Variants in DHX36 observed in about 807,000 individuals in gnomAD.
DHX36 encodes the protein ATP-dependent DNA/RNA helicase DHX36.
DHX36 carries 50 observed loss-of-function variants against 139.0 expected under a neutral mutation model. That is an observed-to-expected ratio of 0.36 (90% CI 0.29 to 0.46). The LOEUF is 0.46. Ranked by LOEUF, DHX36 falls within the 20% of genes least tolerant of loss-of-function variation. The probability of loss-of-function intolerance (pLI) is 1.00; values close to 1 mark genes in which losing one functional copy is unlikely to be tolerated. For missense variants in DHX36, 1,024 were observed against 1,211.3 expected (o/e 0.85, Z 2.29); for synonymous variants, 425 against 401.9 (o/e 1.06, Z -0.69).
At chr3:154,292,742 C>T (rs1003549621) in intron 14 of DHX36, 48 bp from the exon 15 acceptor site, 1 of 1,588,176 alleles carries the variant, frequency 6.3e-7, no homozygotes, top group Non-Finnish European at 8.6e-7. Flanking sequence ...CACACACACA[C>T]ACACACACAC....
chr3:154,306,801 C>T (rs1712516818), intron 5 of DHX36, among the ~76,000 whole-genome samples: 1 of 151,980 alleles, frequency 6.6e-6, no homozygotes, highest in Admixed American at 6.6e-5. Flanking sequence ...AAGTAACCAA[C>T]AGTTATTCTG....
At position 154,283,138 on chromosome 3, in the gene DHX36, A is replaced by G. The variant is rs745435989; in HGVS notation, c.2376+50T>C. ...CTAATTGTACAAAATGGATGTATAT[A>G]TTCTCTAATCTAGCATATATGATAA... is the stretch of plus-strand genomic sequence containing the variant. On this transcript the variant is annotated intron_variant, in intron 20 of 24. Coordinates refer to ENST00000496811, the MANE Select transcript of DHX36 (RefSeq NM_020865.3). 1.6e-5 allele frequency: 22 copies of G among 1,383,342 alleles called. No individual in the cohort carries two copies. In the South Asian group the frequency reaches 1.8e-4, roughly 11 times the overall value. The allele number at this position is 1,383,342 out of a possible 1,614,324, so 85.7% of individuals were successfully genotyped here.
In DHX36 at chr3:154,273,217, T is replaced by A. The variant is rs1166420055; in HGVS notation, c.*2954A>T. On this transcript the variant is annotated 3_prime_UTR_variant, in exon 25 of 25. Coordinates refer to ENST00000496811, the MANE Select transcript of DHX36 (RefSeq NM_020865.3). ...CTGGAATGTATTTTCTACTCAGTAA[T>A]GCCCTATTTTGTAAACAAAAGAAAC... 6.6e-6 allele frequency: 1 copy of A among 152,184 alleles called. No homozygotes were observed. Among genetic ancestry groups the A allele is most frequent in the Non-Finnish European group, 1.5e-5 (1 of 68,022 alleles). 9.4% of individuals were successfully genotyped at this position (152,184 alleles called of 1,614,324 possible).
chr3:154,293,499 T>C lies in DHX36; in HGVS notation c.1670+249A>G, dbSNP rs558000338. On this transcript the variant is annotated intron_variant, in intron 14 of 24. Coordinates refer to ENST00000496811, the MANE Select transcript of DHX36 (RefSeq NM_020865.3). ...TGGGAGGCTGAGGTGGAAGGCTCAC[T>C]TGAGCTGAGGAGATCAAGGCTGCAG... 1.8e-4 allele frequency among the ~76,000 whole-genome samples: 28 copies of C among 152,104 alleles called. No homozygotes were observed. The highest frequency in any genetic ancestry group is 3.8e-4 in the Non-Finnish European group (26 of 67,986).
intron 1 of DHX36, among the ~76,000 whole-genome samples, chr3:154,317,060 G>A (rs1378526625): frequency 6.6e-6 from 1 of 151,984 alleles, no homozygotes; most frequent in Non-Finnish European, 1.5e-5. Context: ...AAAATCGAAA[G>A]AAAGAAACCA....
intron 1 of DHX36, among the ~76,000 whole-genome samples, chr3:154,317,805 G>T (rs1046886538): frequency 9.3e-5 from 14 of 151,248 alleles, no homozygotes; most frequent in African/African-American, 3.4e-4. Flanking sequence ...GTAAAATACT[G>T]TAAAATCTAG....
intron 14 of DHX36, 129 bp from the exon 15 acceptor site, chr3:154,292,823 A>G: frequency 4.5e-6 from 6 of 1,345,162 alleles, no homozygotes; most frequent in Non-Finnish European, 5.9e-6. Flanking sequence ...TTTTTTTTTT[A>G]TTACATCAAA....
At position 154,280,627 on chromosome 3, in the gene DHX36, T is replaced by A. The variant is rs1719305077; in HGVS notation, c.2519A>T (p.Tyr840Phe). The A allele has an allele frequency of 6.2e-7, 1 of 1,613,228 alleles. No homozygotes were observed. Residue 840 changes from tyrosine (Y) to phenylalanine (F), a missense_variant, in exon 22 of 25, where the codon TAT (tyrosine) becomes TTT (phenylalanine). Coordinates refer to ENST00000496811, the MANE Select transcript of DHX36 (RefSeq NM_020865.3). ...IIKAVICAGLYPKVAKIRLNL... is the reference protein window; with the variant it reads ...IIKAVICAGLFPKVAKIRLNL... Reference sequence around the variant, plus strand: ...TAGTCGAATTTTAGCAACTTTGGGATATAAACCAGCACAGATGACAGCTTT... The same window carrying A: ...TAGTCGAATTTTAGCAACTTTGGGAAATAAACCAGCACAGATGACAGCTTT...
At chr3:154,320,828 G>A (rs1200415781) in intron 1 of DHX36, among the ~76,000 whole-genome samples, 2 of 152,154 alleles carry the variant, frequency 1.3e-5, no homozygotes, top group Admixed American at 1.3e-4. Context: ...GTTACTGCAA[G>A]GGCTACTTCA....
rs1719094113 is a variant in DHX36 at position 154,274,583 on chromosome 3, C to CAATG, written c.*1584_*1587dup. ...TTCCAACTATCAGAGTCAGAAAAGA[C>CAATG]AATGTCCAGAGAGAGCAGGATTTCC... On this transcript the variant is annotated 3_prime_UTR_variant, in exon 25 of 25. Coordinates refer to ENST00000496811, the MANE Select transcript of DHX36 (RefSeq NM_020865.3). 6.6e-6 allele frequency: 1 copy of CAATG among 152,248 alleles called. No individual in the cohort carries two copies. The highest frequency in any genetic ancestry group is 1.5e-5 in the Non-Finnish European group (1 of 68,110). 9.4% of individuals were successfully genotyped at this position (152,248 alleles called of 1,614,324 possible). A position where few individuals can be genotyped will look rare whatever the true frequency, so the allele number is the denominator to read the frequency against.
intron 19 of DHX36, 114 bp downstream of exon 19, chr3:154,284,469 C>T (rs1016303250): frequency 5.8e-5 from 52 of 903,952 alleles, no homozygotes; most frequent in Middle Eastern, 6.9e-4. Flanking sequence ...GCATGAGCCA[C>T]CGCGCCCGGC....
Position 154,290,998 on chromosome 3 carries a change from A to G in DHX36, c.1815-1172T>C, listed in dbSNP as rs1487340211. On this transcript the variant is annotated intron_variant, in intron 15 of 24. Coordinates refer to ENST00000496811, the MANE Select transcript of DHX36 (RefSeq NM_020865.3). ...AAATACAAAAAAATTAGCCGGGCGTAGTGGCGGGCGCCTGTAGTCCCAGCT... is the reference window on the plus strand; with the variant it reads ...AAATACAAAAAAATTAGCCGGGCGTGGTGGCGGGCGCCTGTAGTCCCAGCT... 1.2e-3 allele frequency among the ~76,000 whole-genome samples: 185 copies of G among 149,654 alleles called. 1 individual carries two copies. The highest frequency in any genetic ancestry group is 4.4e-3 in the African/African-American group (179 of 41,000).
chr3:154,300,998 T>C lies in DHX36; in HGVS notation c.1347A>G (p.Glu449=). ...YKERWPDYVR[E]LRRRYSASTV... ...CAAAATAAACTTACCTTCTTCGCAG[T>C]TCCCTTACATAATCTGGCCAACGTT... The change falls in exon 10 of 25, where the codon GAA becomes GAG. Residue 449 remains glutamate, a synonymous_variant. Transcript: ENST00000496811. The C allele has an allele frequency of 6.2e-7, 1 of 1,610,626 alleles. No homozygotes were observed. The highest frequency in any genetic ancestry group is 8.5e-7 in the Non-Finnish European group (1 of 1,179,352).
chr3:154,305,650 C>T (rs1712469218), intron 6 of DHX36, among the ~76,000 whole-genome samples: 1 of 152,062 alleles, frequency 6.6e-6, no homozygotes, highest in African/African-American at 2.4e-5. Flanking sequence ...GCCGGTAGGC[C>T]CAGCTACTTG....
intron 12 of DHX36, among the ~76,000 whole-genome samples, chr3:154,296,139 C>T (rs939672266): frequency 2.0e-5 from 3 of 152,152 alleles, no homozygotes; most frequent in Admixed American, 1.3e-4. Context: ...ATTAAATACC[C>T]ATGTCCTAGT....
At chr3:154,318,153 G>C (rs562405408) in intron 1 of DHX36, among the ~76,000 whole-genome samples, 132 of 152,174 alleles carry the variant, frequency 8.7e-4, no homozygotes, top group Non-Finnish European at 1.6e-3. Context: ...AAGTTTACAT[G>C]GGTAGGAGGA....
intron 1 of DHX36, among the ~76,000 whole-genome samples, chr3:154,317,540 A>G (rs1713032359): frequency 6.6e-6 from 1 of 152,044 alleles, no homozygotes; most frequent in African/African-American, 2.4e-5. Flanking sequence ...CAAGAGAACA[A>G]ACAAAAGACT....
chr3:154,300,641 G>A lies in DHX36; in HGVS notation c.1414C>T (p.Leu472=), dbSNP rs1232788134. Residue 472 remains leucine (L), a synonymous_variant, in exon 11 of 25, where the codon CTG becomes TTG. Coordinates refer to ENST00000496811, the MANE Select transcript of DHX36 (RefSeq NM_020865.3). ...IEMMEDDKVD[L]NLIVALIRYI... is the part of the protein sequence containing the mutation. ...CGGATGAGGGCAACAATCAAATTCA[G>A]ATCAACTTTATCATCCTCCATCATT... is the stretch of plus-strand genomic sequence containing the variant. The A allele has an allele frequency of 1.9e-6, 3 of 1,613,818 alleles. No homozygotes were observed. The South Asian group carries it at 3.3e-5, about 18-fold the overall frequency.
intron 1 of DHX36, chr3:154,319,256 T>C (rs1323489036): frequency 6.6e-6 from 1 of 152,194 alleles, no homozygotes; most frequent in African/African-American, 2.4e-5. Context: ...TCCCACTTTC[T>C]TGGACATTCT....
Sources: allele counts gnomAD v4.1 joint callset (sites outside exome capture counted in the v4.1 genomes callset), GRCh38; gene constraint gnomAD v4.1.1; transcripts MANE v1.5; gene names NCBI Gene and HGNC (gene_info 2026-07-23, HGNC 2026-07-21).